The following ING5 variants were observed in gnomAD, a reference collection of about 807,000 sequenced individuals.
ING5 encodes inhibitor of growth protein 5.
Under a neutral mutation model 37.4 loss-of-function variants are expected in ING5, and 17 were observed. That is an observed-to-expected ratio of 0.45 (90% CI 0.31 to 0.68). The LOEUF is 0.68. Ranked by LOEUF, ING5 falls within the 30% of genes least tolerant of loss-of-function variation. The probability of loss-of-function intolerance (pLI) is 0.05; values close to 1 mark genes in which losing one functional copy is unlikely to be tolerated. For synonymous variants in ING5, 123 were observed against 116.6 expected, an observed-to-expected ratio of 1.06 and a Z score of -0.36; for missense variants, 233 against 311.9, an observed-to-expected ratio of 0.75 and a Z score of 1.91.
chr2:241,690,345 T>C (rs566025056), exon 2 of ING5: 82 of 350,636 alleles, frequency 2.3e-4, no homozygotes, highest in African/African-American at 1.7e-3. Context: ...CTCACAGCAT[T>C]AAGATATTTA....
intron 5 of ING5, chr2:241,719,631 A>G (rs2070375430): frequency 6.5e-7 from 1 of 1,535,768 alleles, no homozygotes; most frequent in Non-Finnish European, 8.7e-7. Context: ...GGCATAAGGA[A>G]TGCAGGCACT....
rs7558718 is a variant in ING5 at position 241,693,637 on chromosome 2, C to T, written c.43+2984C>T. Among the ~76,000 whole-genome samples, 754 of 145,048 alleles carry T rather than the reference C, an allele frequency of 5.2e-3. 5 individuals carry two copies. Among genetic ancestry groups the T allele is most frequent in the Non-Finnish European group, 8.3e-3 (555 of 66,772 alleles). Reference sequence around the variant, plus strand: ...GCCTGTTCACATTAGAGTTGTTGCACTGAGAAATACAACTCTTTTTTTTTT... The same window carrying T: ...GCCTGTTCACATTAGAGTTGTTGCATTGAGAAATACAACTCTTTTTTTTTT... On this transcript the variant is annotated intron_variant, in intron 2 of 7. Coordinates refer to the ING5 transcript ENST00000636051.
chr2:241,703,829 C>T (rs1476694076), intron 1 of ING5, among the ~76,000 whole-genome samples: 1 of 152,174 alleles, frequency 6.6e-6, no homozygotes, highest in Non-Finnish European at 1.5e-5. Flanking sequence ...TGGTCTTGAA[C>T]TCCTGACCTC....
At chr2:241,699,924 TAC>T (rs2069687487), upstream of ING5, among the ~76,000 whole-genome samples, 6 of 152,314 alleles carry the variant, frequency 3.9e-5, no homozygotes, top group South Asian at 1.2e-3. Context: ...ATGATGATGC[TAC>T]ACAGTTTGGA....
chr2:241,709,461 C>G (rs4563260), intron 3 of ING5, 79 bp downstream of exon 3: 2 of 1,389,966 alleles, frequency 1.4e-6, no homozygotes, highest in African/African-American at 1.4e-5. Context: ...AAAAACTGCC[C>G]GGAAATGGGC....
chr2:241,722,638 G>A (rs1233217386), intron 5 of ING5: 4 of 984,920 alleles, frequency 4.1e-6, no homozygotes, highest in Non-Finnish European at 4.8e-6. Flanking sequence ...AGGGGTTATT[G>A]AGGTTTTGAA....
At position 241,707,010 on chromosome 2, in the gene ING5, C is replaced by T. The variant is rs555837988; in HGVS notation, c.110-2206C>T. Among the ~76,000 whole-genome samples, 11 of 138,466 alleles carry T rather than the reference C, an allele frequency of 7.9e-5. No homozygotes were observed. In the South Asian group the frequency reaches 2.3e-3, roughly 28 times the overall value. 90.8% of individuals were successfully genotyped at this position (138,466 alleles called of 152,430 possible). A position where few individuals can be genotyped will look rare whatever the true frequency, so the allele number is the denominator to read the frequency against. ...GTTTCACTCTTGTTGCCCAGGCTGG[C>T]GTGCGATGGCGCGATCTTGGCTCAA... On this transcript the variant is annotated intron_variant, in intron 2 of 7. Coordinates refer to ENST00000313552, the MANE Select transcript of ING5 (RefSeq NM_032329.6).
chr2:241,723,676 G>C, intron 7 of ING5: 1 of 1,298,904 alleles, frequency 7.7e-7, no homozygotes, highest in Admixed American at 1.8e-5. Context: ...CCTGAAGCCG[G>C]GGCATGGATC....
intron 5 of ING5, among the ~76,000 whole-genome samples, chr2:241,712,562 T>C (rs768456983): frequency 7.2e-5 from 11 of 152,230 alleles, no homozygotes; most frequent in Non-Finnish European, 1.5e-4. Context: ...TTGAAGTTTT[T>C]TGAGATACTT....
chr2:241,719,821 AGT>A, intron 5 of ING5: 1 of 1,415,588 alleles, frequency 7.1e-7, no homozygotes, highest in Non-Finnish European at 9.2e-7. Context: ...AGCACTGTTT[AGT>A]AGCAATGCGG....
chr2:241,699,951 A>G (rs1039198013), upstream of ING5, among the ~76,000 whole-genome samples: 1 of 151,910 alleles, frequency 6.6e-6, no homozygotes, highest in Non-Finnish European at 1.5e-5. Flanking sequence ...GAGAAGAATC[A>G]CCCCAAAGAC....
chr2:241,723,162 T>C, intron 6 of ING5, 48 bp from the exon 7 acceptor site: 1 of 1,613,668 alleles, frequency 6.2e-7, no homozygotes, highest in Non-Finnish European at 8.5e-7. Flanking sequence ...GTGTTTTGCA[T>C]ACAGAACATG....
chr2:241,708,353 A>T (rs7605806), intron 2 of ING5, among the ~76,000 whole-genome samples: 1 of 151,314 alleles, frequency 6.6e-6, no homozygotes, highest in Non-Finnish European at 1.5e-5. Flanking sequence ...GACTATAGGC[A>T]CCCGCCACCA....
chr2:241,719,364 A>G (rs71351113), intron 5 of ING5: 7 of 630,112 alleles, frequency 1.1e-5, no homozygotes, highest in East Asian at 2.9e-5. Context: ...GCCGCCCCCA[A>G]CCCCCCAACA....
At chr2:241,718,539 C>T (rs908743327) in intron 5 of ING5, among the ~76,000 whole-genome samples, 2 of 151,702 alleles carry the variant, frequency 1.3e-5, no homozygotes, top group African/African-American at 2.4e-5. Context: ...CCTCAGCCTC[C>T]CAAGTAGCTG....
At chr2:241,700,769 G>A (rs2069704236), upstream of ING5, among the ~76,000 whole-genome samples, 1 of 152,108 alleles carries the variant, frequency 6.6e-6, no homozygotes, top group Admixed American at 6.6e-5. Flanking sequence ...GGGAGTACAG[G>A]CGCCCGCCAC....
At chr2:241,696,171 C>T (rs1575115751) in intron 2 of ING5, among the ~76,000 whole-genome samples, 1 of 152,250 alleles carries the variant, frequency 6.6e-6, no homozygotes, top group East Asian at 1.9e-4. Context: ...GCGGGCAGAT[C>T]ACGAGGTGAG....
intron 3 of ING5, among the ~76,000 whole-genome samples, chr2:241,710,645 C>T (rs1215159058): frequency 6.6e-5 from 10 of 152,150 alleles, no homozygotes; most frequent in South Asian, 2.1e-4. Context: ...CCACCAAGCC[C>T]GGCTAATTTT....
intron 2 of ING5, among the ~76,000 whole-genome samples, chr2:241,706,051 G>A (rs62191340): frequency 0.56 from 84,973 of 151,842 alleles, 23,955 homozygotes; most frequent in Admixed American, 0.65. Context: ...TTCGACCCTT[G>A]TCTCCCCAGC....
Sources: allele counts gnomAD v4.1 joint callset (sites outside exome capture counted in the v4.1 genomes callset), GRCh38; gene constraint gnomAD v4.1.1; transcripts MANE v1.5; gene names NCBI Gene and HGNC (gene_info 2026-07-23, HGNC 2026-07-21).